Variants in GRM3 observed in about 807,000 individuals in gnomAD.
The protein encoded by GRM3 is metabotropic glutamate receptor 3.
Under a neutral mutation model 70.5 loss-of-function variants are expected in GRM3, and 26 were observed. The ratio of observed to expected loss-of-function variants is 0.37; its 90% CI spans 0.27 to 0.51. The LOEUF (loss-of-function observed/expected upper bound fraction) is 0.51. Ranked by LOEUF, GRM3 falls within the 20% of genes least tolerant of loss-of-function variation. The pLI, the probability that GRM3 is intolerant of heterozygous loss-of-function variation, is 0.93. For missense variants in GRM3, 859 were observed against 1,123.8 expected, an observed-to-expected ratio of 0.76 and a Z score of 3.37; for synonymous variants, 443 against 434.9, an observed-to-expected ratio of 1.02 and a Z score of -0.23.
At chr7:86,812,503 C>T (rs905075050) in intron 3 of GRM3, among the ~76,000 whole-genome samples, 4 of 151,872 alleles carry the variant, frequency 2.6e-5, no homozygotes, top group African/African-American at 4.8e-5. Flanking sequence ...TTAGGATTAA[C>T]GTTAAGAATT....
chr7:86,699,722 C>T (rs77483611), intron 1 of GRM3, among the ~76,000 whole-genome samples: 2,046 of 151,986 alleles, frequency 0.013, 38 homozygotes, highest in African/African-American at 0.047. Context: ...AGATTTCATC[C>T]AGAAATTAAC....
intron 1 of GRM3, among the ~76,000 whole-genome samples, chr7:86,691,814 G>A (rs554537345): frequency 6.6e-6 from 1 of 152,206 alleles, no homozygotes; most frequent in Admixed American, 6.5e-5. Flanking sequence ...CTGGCACCTT[G>A]ATCTTGGACT....
intron 1 of GRM3, among the ~76,000 whole-genome samples, chr7:86,707,712 C>A (rs1425772170): frequency 1.3e-5 from 2 of 152,052 alleles, no homozygotes; most frequent in East Asian, 1.9e-4. Flanking sequence ...GTATTTAGAT[C>A]ATGGTAAGCA....
chr7:86,651,337 C>T (rs1793601075), intron 1 of GRM3, among the ~76,000 whole-genome samples: 1 of 152,056 alleles, frequency 6.6e-6, no homozygotes, highest in South Asian at 2.1e-4. Context: ...CTGGTGGAGG[C>T]TGTTTCTTTT....
At chr7:86,676,073 A>C (rs1794298507) in intron 1 of GRM3, among the ~76,000 whole-genome samples, 1 of 151,982 alleles carries the variant, frequency 6.6e-6, no homozygotes. Context: ...AACAAACAAA[A>C]AAAAACCAAA....
intron 3 of GRM3, among the ~76,000 whole-genome samples, chr7:86,789,035 T>A (rs1008489572): frequency 6.6e-6 from 1 of 152,178 alleles, no homozygotes; most frequent in Non-Finnish European, 1.5e-5. Flanking sequence ...AACAAGCCCA[T>A]TATTTGGATA....
chr7:86,800,191 G>A (rs1370867044), intron 3 of GRM3, among the ~76,000 whole-genome samples: 2 of 152,158 alleles, frequency 1.3e-5, no homozygotes, highest in African/African-American at 4.8e-5. Flanking sequence ...AAAAAGCTAT[G>A]AGGATCTCAA....
chr7:86,857,057 G>C (rs572015454), intron 5 of GRM3, among the ~76,000 whole-genome samples: 4 of 151,684 alleles, frequency 2.6e-5, no homozygotes, highest in African/African-American at 9.7e-5. Flanking sequence ...TGAATTTGCC[G>C]CCTCAGCTCA....
At chr7:86,756,006 A>G (rs557737804) in intron 1 of GRM3, among the ~76,000 whole-genome samples, 1 of 152,198 alleles carries the variant, frequency 6.6e-6, no homozygotes. Context: ...TCCTTCTTGT[A>G]GGTTTGATTT....
At chr7:86,835,723 ACCTCAG>A (rs1416280920) in intron 3 of GRM3, among the ~76,000 whole-genome samples, 2 of 152,024 alleles carry the variant, frequency 1.3e-5, no homozygotes, top group Admixed American at 6.6e-5. Flanking sequence ...TGATCCTCCC[ACCTCAG>A]CCTCCTGAGT....
At chr7:86,864,014 T>C (rs1194867030) in intron 5 of GRM3, among the ~76,000 whole-genome samples, 1 of 150,252 alleles carries the variant, frequency 6.7e-6, no homozygotes, top group African/African-American at 2.5e-5. Flanking sequence ...AATTTAATTT[T>C]ATTTTTTTTC....
At chr7:86,847,531 A>G (rs1036315405) in intron 4 of GRM3, among the ~76,000 whole-genome samples, 2 of 152,210 alleles carry the variant, frequency 1.3e-5, no homozygotes, top group African/African-American at 4.8e-5. Context: ...TGATTTGGAC[A>G]TCATCAATAT....
intron 1 of GRM3, among the ~76,000 whole-genome samples, chr7:86,645,346 G>C (rs567859564): frequency 1.6e-4 from 25 of 152,310 alleles, no homozygotes; most frequent in Non-Finnish European, 3.1e-4. Flanking sequence ...ATGCAGCCCA[G>C]ATAAGCTCCG....
intron 3 of GRM3, among the ~76,000 whole-genome samples, chr7:86,812,158 G>A (rs1797922746): frequency 6.6e-6 from 1 of 151,768 alleles, no homozygotes; most frequent in South Asian, 2.1e-4. Context: ...CCCATTATGA[G>A]AGGTAAAAGT....
At position 86,757,185 on chromosome 7, in the gene GRM3, G is replaced by C. The variant is rs539924133; in HGVS notation, c.-140-7821G>C. On this transcript the variant is annotated intron_variant, in intron 1 of 5. Transcript: ENST00000361669. ...ATTTCAAATAATGCTTTCTCTCTTT[G>C]CTCTGGGTGCTGTTTTTCTGTTGTC... is the stretch of plus-strand genomic sequence containing the variant. Among the ~76,000 whole-genome samples, 3 of 152,102 alleles carry C rather than the reference G, an allele frequency of 2.0e-5. No individual in the cohort carries two copies. In the South Asian group the frequency reaches 6.2e-4, roughly 32 times the overall value.
chr7:86,656,537 G>T (rs1182480579), intron 1 of GRM3, among the ~76,000 whole-genome samples: 1 of 151,922 alleles, frequency 6.6e-6, no homozygotes, highest in Admixed American at 6.6e-5. Context: ...CCAAAGTGCT[G>T]GGATAACAGC....
intron 2 of GRM3, among the ~76,000 whole-genome samples, chr7:86,767,382 G>A (rs1273876950): frequency 2.0e-5 from 3 of 151,164 alleles, no homozygotes; most frequent in Non-Finnish European, 2.9e-5. Flanking sequence ...AACATCCTTA[G>A]GTTTCACTAG....
At chr7:86,662,451 G>T (rs1327094789) in intron 1 of GRM3, among the ~76,000 whole-genome samples, 1 of 151,788 alleles carries the variant, frequency 6.6e-6, no homozygotes, top group Non-Finnish European at 1.5e-5. Flanking sequence ...ATATTTATTA[G>T]ATTATAATGA....
intron 2 of GRM3, among the ~76,000 whole-genome samples, chr7:86,771,942 G>T (rs1796753520): frequency 1.3e-5 from 2 of 152,064 alleles, no homozygotes; most frequent in South Asian, 2.1e-4. Flanking sequence ...CACCTAGAAT[G>T]CAGTGTTCTT....
Sources: gnomAD v4.1 joint callset for allele counts (sites outside exome capture counted in the v4.1 genomes callset) on GRCh38, gnomAD v4.1.1 for gene constraint, MANE v1.5 for transcripts, NCBI Gene and HGNC (gene_info 2026-07-23, HGNC 2026-07-21) for gene names.